TMEM67: variants seen among roughly 807,000 people sequenced by gnomAD.
TMEM67 encodes the protein transmembrane protein 67.
Under a neutral mutation model 136.6 loss-of-function variants are expected in TMEM67, and 124 were observed. That is an observed-to-expected ratio of 0.91 (90% CI 0.78 to 1.05). TMEM67 has a LOEUF of 1.05. TMEM67 is among the 50% of genes least tolerant of loss of function. The pLI, the probability that TMEM67 is intolerant of heterozygous loss-of-function variation, is 0.00. For missense variants in TMEM67, 1,107 were observed against 1,178.4 expected (o/e 0.94, Z 0.89); for synonymous variants, 364 against 390.5 (o/e 0.93, Z 0.80).
At chr8:93,760,836 C>G (rs1486850435) in intron 3 of TMEM67, among the ~76,000 whole-genome samples, 1 of 151,840 alleles carries the variant, frequency 6.6e-6, no homozygotes, top group African/African-American at 2.4e-5. Flanking sequence ...TGTAAAGCTC[C>G]TACAGATAAA....
chr8:93,797,092 C>A (rs374747794), intron 18 of TMEM67, 42 bp from the exon 19 acceptor site: 2 of 1,182,272 alleles, frequency 1.7e-6, no homozygotes, highest in Non-Finnish European at 2.5e-6. Flanking sequence ...GCAGACTTAA[C>A]GCTGGTACTT....
intron 2 of TMEM67, chr8:93,756,228 G>A (rs1812567455): frequency 5.6e-6 from 1 of 179,974 alleles, no homozygotes; most frequent in Admixed American, 5.8e-5. Context: ...ACTGATGCAA[G>A]TGGAGTTGTC....
At chr8:93,804,315 T>TTTTC (rs1815010875) in intron 22 of TMEM67, among the ~76,000 whole-genome samples, 3 of 29,910 alleles carry the variant, frequency 1.0e-4, no homozygotes, top group South Asian at 1.1e-3. Flanking sequence ...CTTTTCTTTT[T>TTTTC]TTTTTTTTTT....
intron 16 of TMEM67, 112 bp from the exon 17 acceptor site, chr8:93,795,297 A>C: frequency 1.1e-6 from 1 of 904,872 alleles, no homozygotes. Flanking sequence ...TATGTGAAAC[A>C]AGGCTTCAGG....
At chr8:93,809,759 A>G in intron 25 of TMEM67, 26 bp from the exon 26 acceptor site, 1 of 1,327,200 alleles carries the variant, frequency 7.5e-7, no homozygotes, top group Non-Finnish European at 1.1e-6. Context: ...CTGTTTGTGA[A>G]ATGATGCTGT....
intron 10 of TMEM67, among the ~76,000 whole-genome samples, chr8:93,782,071 G>A (rs968266675): frequency 6.6e-6 from 1 of 152,036 alleles, no homozygotes; most frequent in Admixed American, 6.6e-5. Context: ...CTGCCACCAC[G>A]TCCAGCTAAT....
chr8:93,794,655 A>G (rs2130724381), intron 16 of TMEM67, among the ~76,000 whole-genome samples: 1 of 152,342 alleles, frequency 6.6e-6, no homozygotes, highest in Middle Eastern at 3.4e-3. Context: ...GGGGTACTTG[A>G]TTTACTACTT....
Position 93,815,395 on chromosome 8 carries a change from TG to T in TMEM67, c.2857del (p.Ala953LeufsTer7), listed in dbSNP as rs1262042035. 6.8e-6 allele frequency: 11 copies of T among 1,613,272 alleles called. No homozygotes were observed. The highest frequency in any genetic ancestry group is 9.3e-6 in the Non-Finnish European group (11 of 1,179,728). On this transcript the variant is annotated frameshift_variant, in exon 27 of 28. Transcript: ENST00000453321. LOFTEE classifies it high-confidence loss of function. ...FDLLFFCVVD[L>X]ACQNFILASF... Reference sequence around the variant, plus strand: ...CTGCTGTTCTTCTGTGTTGTGGATTTGGCTTGCCAAAATTTTATTTTAGCAT... The same window carrying T: ...CTGCTGTTCTTCTGTGTTGTGGATTTGCTTGCCAAAATTTTATTTTAGCAT...
At chr8:93,758,764 A>G (rs1466283366) in intron 3 of TMEM67, 188 bp downstream of exon 3, 29 of 563,284 alleles carry the variant, frequency 5.1e-5, no homozygotes, top group Admixed American at 4.1e-4. Context: ...GCAGCTGGCT[A>G]ATTTTTAAAT....
At chr8:93,791,669 G>A (rs569603128) in intron 15 of TMEM67, among the ~76,000 whole-genome samples, 2 of 152,250 alleles carry the variant, frequency 1.3e-5, no homozygotes, top group South Asian at 4.1e-4. Flanking sequence ...CTTCTGAAGA[G>A]TACTGGTCCA....
chr8:93,815,217 A>G, intron 26 of TMEM67, 88 bp from the exon 27 acceptor site: 1 of 880,616 alleles, frequency 1.1e-6, no homozygotes, highest in South Asian at 1.7e-5. Context: ...TGCTGTTTTT[A>G]AACATCCAGA....
chr8:93,818,860 T>C (rs1808992887), downstream of TMEM67: 4 of 311,070 alleles, frequency 1.3e-5, no homozygotes, highest in African/African-American at 4.5e-5. Flanking sequence ...TGGAATGCAG[T>C]GGCACGATTT....
intron 6 of TMEM67, among the ~76,000 whole-genome samples, chr8:93,766,250 C>G (rs1813077684): frequency 6.6e-6 from 1 of 152,094 alleles, no homozygotes; most frequent in African/African-American, 2.4e-5. Flanking sequence ...CAGCGAGTAG[C>G]TGGGATTACA....
Position 93,780,856 on chromosome 8 carries a change from A to T in TMEM67, c.870-18A>T, listed in dbSNP as rs1401987735. On this transcript the variant is annotated intron_variant, in intron 8 of 27. Coordinates refer to ENST00000453321, the MANE Select transcript of TMEM67 (RefSeq NM_153704.6). ...AATATTTATTCTCCATTATTAAAAC[A>T]GTTGTAACTGTTTATAGGAGACAGA... 6.2e-7 allele frequency: 1 copy of T among 1,601,460 alleles called. No individual in the cohort carries two copies. Among genetic ancestry groups the T allele is most frequent in the African/African-American group, 1.3e-5 (1 of 74,624 alleles).
Position 93,799,646 on chromosome 8 carries a change from T to C in TMEM67, c.2129T>C (p.Met710Thr). ...EVVGFKNLAL[M>T]DSSSSLSRNP... The stretch of plus-strand genomic sequence containing the variant: ...GTGGGATTCAAGAACTTAGCATTAA[T>C]GGACTCATCTTCTAGTCTTTCTAGA... The change falls in exon 21 of 28, where the codon ATG (methionine) becomes ACG (threonine). Residue 710 changes from methionine to threonine, a missense_variant. Transcript: ENST00000453321. 1.9e-6 allele frequency: 3 copies of C among 1,613,970 alleles called. No homozygotes were observed. The highest frequency in any genetic ancestry group is 2.2e-5 in the East Asian group (1 of 44,840).
intron 21 of TMEM67, among the ~76,000 whole-genome samples, 175 bp downstream of exon 21, chr8:93,799,933 A>C (rs1214988798): frequency 7.3e-6 from 1 of 137,342 alleles, no homozygotes; most frequent in African/African-American, 2.7e-5. Context: ...TTTGAAACAG[A>C]GTCCCGCTCT....
chr8:93,782,887 A>G (rs1813911667), intron 11 of TMEM67, among the ~76,000 whole-genome samples: 1 of 152,002 alleles, frequency 6.6e-6, no homozygotes, highest in Non-Finnish European at 1.5e-5. Context: ...AAATGTTTTT[A>G]ATAGTGAAGA....
At chr8:93,813,506 GATGAGACT>G (rs1289088445) in intron 26 of TMEM67, among the ~76,000 whole-genome samples, 1 of 152,182 alleles carries the variant, frequency 6.6e-6, no homozygotes, top group South Asian at 2.1e-4. Context: ...ATCAAGAGAT[GATGAGACT>G]ATGAGCTAAG....
chr8:93,803,617 C>G lies in TMEM67; in HGVS notation c.2255C>G (p.Ala752Gly), dbSNP rs146393412. 8 of 1,599,296 alleles carry G rather than the reference C, an allele frequency of 5.0e-6. No individual in the cohort carries two copies. Among genetic ancestry groups the G allele is most frequent in the Non-Finnish European group, 6.9e-6 (8 of 1,167,070 alleles). ...AIGIIQVVFF[A>G]VFYERFIEDK... Reference sequence around the variant, plus strand: ...TTAATGTTTCAGGTCGTGTTCTTTGCTGTCTTTTATGAGAGATTTATAGAA... The same window carrying G: ...TTAATGTTTCAGGTCGTGTTCTTTGGTGTCTTTTATGAGAGATTTATAGAA... The change falls in exon 22 of 28, where the codon GCT becomes GGT. Residue 752 changes from alanine to glycine, a missense_variant. Ala to Gly is a moderately conservative substitution (Grantham distance 60, BLOSUM62 0). Coordinates refer to ENST00000453321, the MANE Select transcript of TMEM67 (RefSeq NM_153704.6).
Sources: allele counts gnomAD v4.1 joint callset (sites outside exome capture counted in the v4.1 genomes callset), GRCh38; gene constraint gnomAD v4.1.1; transcripts MANE v1.5; gene names NCBI Gene and HGNC (gene_info 2026-07-23, HGNC 2026-07-21).